CLIC5: variants seen among roughly 807,000 people sequenced by gnomAD.
CLIC5 encodes CLIC family member 5, also known as chloride intracellular channel protein 5.
A neutral mutation model predicts 24.7 loss-of-function variants in CLIC5; 20 were observed. The ratio of observed to expected loss-of-function variants is 0.81; its 90% CI spans 0.57 to 1.18. The LOEUF is 1.18. CLIC5 is among the 50% of genes most tolerant of loss of function. The pLI is 0.00. For missense variants in CLIC5, 341 were observed against 326.1 expected (o/e 1.05, Z -0.35); for synonymous variants, 159 against 135.6 (o/e 1.17, Z -1.20).
intron 2 of CLIC5, among the ~76,000 whole-genome samples, chr6:45,953,873 G>C (rs1331063833): frequency 1.3e-5 from 2 of 152,144 alleles, no homozygotes; most frequent in Non-Finnish European, 2.9e-5. Flanking sequence ...GAATGAAAAA[G>C]AGAGTTTGGA....
chr6:45,918,655 C>T (rs916868149), intron 4 of CLIC5, among the ~76,000 whole-genome samples: 1 of 152,220 alleles, frequency 6.6e-6, no homozygotes, highest in South Asian at 2.1e-4. Context: ...CACCTGTGAC[C>T]GTTGTCTGTA....
intron 1 of CLIC5, among the ~76,000 whole-genome samples, chr6:45,982,449 C>A (rs1765598883): frequency 6.6e-6 from 1 of 152,018 alleles, no homozygotes; most frequent in South Asian, 2.1e-4. Context: ...TGTCACTGAG[C>A]AAACATCATA....
rs371119443 is a variant in CLIC5, at chr6:45,933,649, C to A, written c.406+7898G>T. On this transcript the variant is annotated intron_variant, in intron 4 of 5. Coordinates refer to ENST00000339561, the MANE Select transcript of CLIC5 (RefSeq NM_016929.5). ...AAAAAGAGAACTAGGTGCAGCCTTG[C>A]GAGTGAAAGGGGTACATCTTTGCAC... 2.1e-3 allele frequency among the ~76,000 whole-genome samples: 318 copies of A among 152,270 alleles called. 12 individuals are homozygous for A. In the South Asian group the frequency reaches 0.063, roughly 30 times the overall value.
Position 45,988,739 on chromosome 6 carries a change from G to C in CLIC5, c.63+26741C>G, listed in dbSNP as rs561527153. Among the ~76,000 whole-genome samples the C allele has an allele frequency of 6.6e-5, 10 of 152,338 alleles. No individual in the cohort carries two copies. The East Asian group carries it at 1.7e-3, about 26-fold the overall frequency. On this transcript the variant is annotated intron_variant, in intron 1 of 5. Transcript: ENST00000339561. Reference sequence around the variant, plus strand: ...CAGCATAAGCATTTTGAGAACAAAGGCTGCTGCTGACTTCTCAAGTTCCTC... The same window carrying C: ...CAGCATAAGCATTTTGAGAACAAAGCCTGCTGCTGACTTCTCAAGTTCCTC...
the CLIC5 span, among the ~76,000 whole-genome samples, chr6:46,107,556 ATATAT>A: frequency 6.6e-6 from 1 of 152,238 alleles, no homozygotes; most frequent in Non-Finnish European, 1.5e-5. Context: ...AAATTGCTAG[ATATAT>A]TAATAAAATA....
chr6:45,980,578 G>A (rs1314268593), intron 1 of CLIC5, among the ~76,000 whole-genome samples: 2 of 152,002 alleles, frequency 1.3e-5, no homozygotes, highest in South Asian at 2.1e-4. Flanking sequence ...AGTTGAAAAA[G>A]GAGAGAGATG....
intron 1 of CLIC5, among the ~76,000 whole-genome samples, chr6:45,974,293 C>T (rs949596799): frequency 4.6e-5 from 7 of 151,766 alleles, no homozygotes; most frequent in South Asian, 2.1e-4. Flanking sequence ...GTCAGAGTGA[C>T]AGCAAGAGTC....
chr6:45,982,629 T>C (rs1765604171), intron 1 of CLIC5, among the ~76,000 whole-genome samples: 1 of 152,152 alleles, frequency 6.6e-6, no homozygotes, highest in South Asian at 2.1e-4. Context: ...AGAAAAAGCA[T>C]AATAAAAATA....
intron 1 of CLIC5, among the ~76,000 whole-genome samples, chr6:46,037,366 A>C (rs1562018086): frequency 2.6e-5 from 4 of 152,334 alleles, no homozygotes; most frequent in South Asian, 4.2e-4. Context: ...AGAGGGGGCC[A>C]AAAGACTATG....
intron 1 of CLIC5, among the ~76,000 whole-genome samples, chr6:45,997,987 G>A (rs1418414856): frequency 6.6e-6 from 1 of 152,232 alleles, no homozygotes; most frequent in Non-Finnish European, 1.5e-5. Context: ...TTGATCAAGG[G>A]TGTAGGGGAG....
chr6:45,886,277 C>T (rs1762304877), intron 6 of CLIC5, among the ~76,000 whole-genome samples: 1 of 152,172 alleles, frequency 6.6e-6, no homozygotes, highest in Non-Finnish European at 1.5e-5. Context: ...CAGGCTTTGC[C>T]TCAGCATCTG....
intron 1 of CLIC5, among the ~76,000 whole-genome samples, chr6:46,068,214 C>T (rs1487809935): frequency 3.9e-5 from 6 of 152,048 alleles, no homozygotes; most frequent in Non-Finnish European, 1.5e-5. Context: ...GGAGTGTGGC[C>T]CTGACAATAC....
At chr6:46,079,656 C>T in intron 1 of CLIC5, 1 of 1,457,558 alleles carries the variant, frequency 6.9e-7, no homozygotes, top group South Asian at 1.3e-5. Flanking sequence ...AAACACCAGC[C>T]ATAATATCTG....
chr6:45,966,278 A>G (rs1765013334), intron 1 of CLIC5, among the ~76,000 whole-genome samples: 1 of 152,098 alleles, frequency 6.6e-6, no homozygotes, highest in African/African-American at 2.4e-5. Flanking sequence ...TGATATGTCA[A>G]CAAAGTATGT....
intron 1 of CLIC5, among the ~76,000 whole-genome samples, chr6:46,060,942 AC>A (rs1378047757): frequency 6.6e-6 from 1 of 152,094 alleles, no homozygotes; most frequent in East Asian, 1.9e-4. Context: ...GAAAGAACGA[AC>A]CCCCAACTTG....
chr6:46,031,925 C>CGT (rs1554163951), intron 1 of CLIC5, among the ~76,000 whole-genome samples: 9 of 132,940 alleles, frequency 6.8e-5, no homozygotes, highest in Non-Finnish European at 1.5e-4. Flanking sequence ...ATGTACACAA[C>CGT]ATATATATAT....
chr6:46,065,601 C>T (rs952662816), intron 1 of CLIC5, among the ~76,000 whole-genome samples: 8 of 152,030 alleles, frequency 5.3e-5, no homozygotes, highest in African/African-American at 1.9e-4. Flanking sequence ...AAAAAGGGAC[C>T]AACTGCTGAT....
downstream of CLIC5, among the ~76,000 whole-genome samples, chr6:45,896,784 C>T (rs528341983): frequency 6.6e-6 from 1 of 152,296 alleles, no homozygotes; most frequent in Admixed American, 6.5e-5. Flanking sequence ...GAAACCAAGA[C>T]ACAGAGAGAT....
intron 1 of CLIC5, among the ~76,000 whole-genome samples, chr6:46,004,818 G>T (rs1342191579): frequency 1.3e-5 from 2 of 152,138 alleles, no homozygotes; most frequent in Admixed American, 1.3e-4. Flanking sequence ...GGGAAGCCCT[G>T]CCCAGAACCT....
Sources: allele counts gnomAD v4.1 joint callset (sites outside exome capture counted in the v4.1 genomes callset), GRCh38; gene constraint gnomAD v4.1.1; transcripts MANE v1.5; gene names NCBI Gene and HGNC (gene_info 2026-07-23, HGNC 2026-07-21).